Variants in GNA12 observed in about 807,000 individuals in gnomAD.
GNA12 encodes G protein subunit alpha 12.
GNA12 carries 9 observed loss-of-function variants against 26.0 expected under a neutral mutation model. The observed-to-expected ratio is 0.35, with a 90% CI of 0.21 to 0.60. The LOEUF (loss-of-function observed/expected upper bound fraction) is 0.60. Among genes scored for constraint, GNA12 ranks in the 20% least tolerant of loss-of-function variants. The probability of loss-of-function intolerance (pLI) is 0.78; values close to 1 mark genes in which losing one functional copy is unlikely to be tolerated. For synonymous variants in GNA12, 264 were observed against 219.6 expected (o/e 1.20, Z -1.79); for missense variants, 405 against 525.8 (o/e 0.77, Z 2.25).
intron 2 of GNA12, among the ~76,000 whole-genome samples, chr7:2,769,086 T>G (rs1403038956): frequency 1.3e-5 from 2 of 152,136 alleles, no homozygotes; most frequent in Non-Finnish European, 2.9e-5. Flanking sequence ...GTATTTTTAG[T>G]AGAGACAAGG....
chr7:2,799,906 C>A (rs972799894), intron 1 of GNA12, among the ~76,000 whole-genome samples: 1 of 152,170 alleles, frequency 6.6e-6, no homozygotes, highest in East Asian at 1.9e-4. Flanking sequence ...AGGCGGAGAC[C>A]CCGGACCTCT....
chr7:2,746,482 C>T (rs768638822), intron 2 of GNA12, among the ~76,000 whole-genome samples: 3,575 of 152,132 alleles, frequency 0.023, 94 homozygotes, highest in Middle Eastern at 0.075. Context: ...AGAACAAAGA[C>T]ACAACATACC....
intron 1 of GNA12, among the ~76,000 whole-genome samples, chr7:2,831,920 C>A (rs1184341370): frequency 6.6e-6 from 1 of 152,178 alleles, no homozygotes; most frequent in Non-Finnish European, 1.5e-5. Context: ...TAAGTAATGA[C>A]TCCCTTATCA....
At chr7:2,747,866 A>G (rs1003763755) in intron 2 of GNA12, among the ~76,000 whole-genome samples, 2 of 152,204 alleles carry the variant, frequency 1.3e-5, no homozygotes, top group Non-Finnish European at 2.9e-5. Context: ...TTATACACCA[A>G]TAACAGACAA....
intron 2 of GNA12, among the ~76,000 whole-genome samples, chr7:2,739,731 T>C (rs1266737573): frequency 6.6e-6 from 1 of 152,188 alleles, no homozygotes; most frequent in Admixed American, 6.5e-5. Context: ...CTGAGTGTAG[T>C]GGTGCGATCT....
At chr7:2,756,605 TCAAACAAACAAA>T (rs139218513) in intron 2 of GNA12, among the ~76,000 whole-genome samples, 1 of 151,298 alleles carries the variant, frequency 6.6e-6, no homozygotes, top group Admixed American at 6.6e-5. Context: ...AGACCCTGTC[TCAAACAAACAAA>T]CAAACAAACA....
intron 1 of GNA12, among the ~76,000 whole-genome samples, chr7:2,842,009 G>T (rs1562453968): frequency 2.8e-5 from 4 of 144,606 alleles, no homozygotes; most frequent in Non-Finnish European, 1.5e-5. Context: ...GGTAGGGAGG[G>T]AGGGAGAAAG....
At chr7:2,739,032 T>C (rs994477710) in intron 2 of GNA12, among the ~76,000 whole-genome samples, 4 of 152,186 alleles carry the variant, frequency 2.6e-5, no homozygotes, top group African/African-American at 9.7e-5. Flanking sequence ...TCCTTGGCCG[T>C]GGAGCAGCCT....
rs2533887 is a variant in GNA12, at chr7:2,791,917, T to G, written c.525+3011A>C. 3.3e-3 allele frequency among the ~76,000 whole-genome samples: 508 copies of G among 152,338 alleles called. 1 individual carries two copies. Among genetic ancestry groups the G allele is most frequent in the Non-Finnish European group, 5.8e-3 (392 of 68,028 alleles). On this transcript the variant is annotated intron_variant, in intron 2 of 3. Coordinates refer to ENST00000275364, the MANE Select transcript of GNA12 (RefSeq NM_007353.3). ...GTATAAAGTATAGGAATAACAGTCATGCACCCACCACCCAATAAACAAGAA... is the reference window on the plus strand; with the variant it reads ...GTATAAAGTATAGGAATAACAGTCAGGCACCCACCACCCAATAAACAAGAA...
chr7:2,735,384 A>T lies in GNA12; in HGVS notation c.526-1883T>A, dbSNP rs115253225. Among the ~76,000 whole-genome samples, 734 of 152,336 alleles carry T rather than the reference A, an allele frequency of 4.8e-3. 12 individuals carry two copies. The highest frequency in any genetic ancestry group is 0.017 in the African/African-American group (712 of 41,578). Reference sequence around the variant, plus strand: ...TCTCCTGCAGGGTTCTAGCTGGGTCAGGCATGGAGAGTCACAGTGGCACAG... The same window carrying T: ...TCTCCTGCAGGGTTCTAGCTGGGTCTGGCATGGAGAGTCACAGTGGCACAG... On this transcript the variant is annotated intron_variant, in intron 2 of 3. Transcript: ENST00000275364.
chr7:2,752,245 TA>T (rs888723940), intron 2 of GNA12, among the ~76,000 whole-genome samples: 1 of 150,968 alleles, frequency 6.6e-6, no homozygotes, highest in South Asian at 2.1e-4. Context: ...GCTCAGGGCT[TA>T]AAAAAAAAGT....
At chr7:2,812,107 G>T (rs1296066214) in intron 1 of GNA12, among the ~76,000 whole-genome samples, 4 of 152,198 alleles carry the variant, frequency 2.6e-5, no homozygotes, top group African/African-American at 7.2e-5. Flanking sequence ...TGCGTTTCAG[G>T]CAACTCCTCA....
chr7:2,803,251 C>G (rs1367836875), intron 1 of GNA12, among the ~76,000 whole-genome samples: 2 of 152,216 alleles, frequency 1.3e-5, no homozygotes, highest in East Asian at 3.8e-4. Flanking sequence ...CGTCGGAGGA[C>G]AGCCAGAATC....
chr7:2,832,282 G>C (rs886228073), intron 1 of GNA12, among the ~76,000 whole-genome samples: 2 of 152,150 alleles, frequency 1.3e-5, no homozygotes, highest in South Asian at 4.1e-4. Flanking sequence ...AGTGAACTAG[G>C]AATCAGCTCC....
At chr7:2,765,211 A>G (rs1195884331) in intron 2 of GNA12, 2 of 150,852 alleles carry the variant, frequency 1.3e-5, no homozygotes, top group Non-Finnish European at 3.0e-5. Context: ...GTGGTGGCGC[A>G]ATCTCGGCTC....
At chr7:2,835,895 A>C (rs1778823163) in intron 1 of GNA12, 2 of 555,490 alleles carry the variant, frequency 3.6e-6, no homozygotes, top group East Asian at 6.9e-5. Flanking sequence ...GCAGCAAATA[A>C]AAATTTGCAA....
chr7:2,808,922 C>A (rs888091717), intron 1 of GNA12, among the ~76,000 whole-genome samples: 5 of 152,192 alleles, frequency 3.3e-5, no homozygotes, highest in African/African-American at 1.2e-4. Flanking sequence ...CTGCCTCAGG[C>A]CTTTGCACTT....
intron 2 of GNA12, among the ~76,000 whole-genome samples, chr7:2,761,162 G>A (rs755612118): frequency 1.2e-4 from 18 of 152,252 alleles, no homozygotes; most frequent in African/African-American, 2.2e-4. Flanking sequence ...AACCACGGCC[G>A]CCTCACCGAG....
intron 2 of GNA12, among the ~76,000 whole-genome samples, chr7:2,787,531 C>G (rs1792392714): frequency 6.6e-6 from 1 of 152,180 alleles, no homozygotes; most frequent in South Asian, 2.1e-4. Flanking sequence ...AGCTACAACA[C>G]TCTTCTCCCT....
Sources: gnomAD v4.1 joint callset for allele counts (sites outside exome capture counted in the v4.1 genomes callset) on GRCh38, gnomAD v4.1.1 for gene constraint, MANE v1.5 for transcripts, NCBI Gene and HGNC (gene_info 2026-07-23, HGNC 2026-07-21) for gene names.